CAST: variants seen among roughly 807,000 people sequenced by gnomAD.
The protein encoded by CAST is calpastatin.
In CAST, 76 loss-of-function variants were observed where a neutral mutation model predicts 119.6. That is an observed-to-expected ratio of 0.64 (90% CI 0.53 to 0.77). The LOEUF (loss-of-function observed/expected upper bound fraction) is 0.77. CAST is among the 30% of genes least tolerant of loss of function. The pLI is 0.00. For missense variants in CAST, 953 were observed against 946.5 expected (o/e 1.01, Z -0.09); for synonymous variants, 319 against 331.6 (o/e 0.96, Z 0.41).
At chr5:96,483,640 T>C in the CAST span, among the ~76,000 whole-genome samples, 3 of 152,214 alleles carry the variant, frequency 2.0e-5, no homozygotes, top group African/African-American at 7.2e-5. Flanking sequence ...ATCTGATCTT[T>C]CATTGTTTTT....
chr5:96,165,820 T>G, the CAST span, among the ~76,000 whole-genome samples: 1 of 152,268 alleles, frequency 6.6e-6, no homozygotes, highest in African/African-American at 2.4e-5. Flanking sequence ...GTGATGTGAA[T>G]GACTTCTTTG....
intron 1 of CAST, among the ~76,000 whole-genome samples, chr5:96,578,363 C>T (rs2150188618): frequency 6.6e-6 from 1 of 150,572 alleles, no homozygotes; most frequent in East Asian, 2.0e-4. Context: ...TGAGCATATG[C>T]TCAACTGTAT....
the CAST span, among the ~76,000 whole-genome samples, chr5:96,002,720 T>C: frequency 6.6e-6 from 1 of 152,342 alleles, no homozygotes; most frequent in East Asian, 1.9e-4. Flanking sequence ...AGATGCCTAC[T>C]ACATTGGATA....
the CAST span, chr5:96,398,922 A>C: frequency 6.2e-7 from 1 of 1,613,684 alleles, no homozygotes; most frequent in Non-Finnish European, 8.5e-7. Flanking sequence ...CTCTTCGGGA[A>C]TATTCAATTG....
the CAST span, among the ~76,000 whole-genome samples, chr5:96,123,507 A>T: frequency 6.6e-6 from 1 of 152,168 alleles, no homozygotes; most frequent in African/African-American, 2.4e-5. Flanking sequence ...CATTATTGGC[A>T]TGCATTTTAA....
intron 1 of CAST, among the ~76,000 whole-genome samples, chr5:96,625,029 T>C (rs1417130304): frequency 6.6e-6 from 1 of 152,240 alleles, no homozygotes; most frequent in Non-Finnish European, 1.5e-5. Context: ...TTCCCTGTGA[T>C]GATGCCTTAT....
chr5:96,372,907 C>T, the CAST span, among the ~76,000 whole-genome samples: 3 of 152,190 alleles, frequency 2.0e-5, no homozygotes, highest in East Asian at 3.9e-4. Flanking sequence ...TTATACTTAA[C>T]CCAATGAAAA....
At chr5:96,155,322 T>C in the CAST span, among the ~76,000 whole-genome samples, 1 of 152,082 alleles carries the variant, frequency 6.6e-6, no homozygotes, top group African/African-American at 2.4e-5. Context: ...CCCTGGATGG[T>C]CCCCGCCCAT....
At chr5:96,507,940 T>G in the CAST span, among the ~76,000 whole-genome samples, 1 of 151,796 alleles carries the variant, frequency 6.6e-6, no homozygotes, top group Middle Eastern at 3.2e-3. Flanking sequence ...GTTTCTAGAG[T>G]TCTCTTTGAA....
chr5:96,340,920 A>G, the CAST span, among the ~76,000 whole-genome samples: 2 of 152,242 alleles, frequency 1.3e-5, no homozygotes, highest in Non-Finnish European at 2.9e-5. Context: ...AATGGACATG[A>G]AATAGTCTGT....
chr5:96,101,186 C>T, the CAST span, among the ~76,000 whole-genome samples: 1 of 152,204 alleles, frequency 6.6e-6, no homozygotes, highest in Non-Finnish European at 1.5e-5. Context: ...GGATTACAGG[C>T]ATCAGCCACT....
intron 1 of CAST, among the ~76,000 whole-genome samples, chr5:96,562,506 CAA>C (rs1022667429): frequency 2.8e-4 from 42 of 152,206 alleles, no homozygotes; most frequent in African/African-American, 8.2e-4. Flanking sequence ...TGTGGGGAAA[CAA>C]GAGCTGTCAT....
At chr5:95,979,399 A>G in the CAST span, among the ~76,000 whole-genome samples, 1 of 152,218 alleles carries the variant, frequency 6.6e-6, no homozygotes, top group Admixed American at 6.5e-5. Flanking sequence ...TACACATGAC[A>G]TATGCTAAGT....
chr5:95,981,281 C>G, the CAST span, among the ~76,000 whole-genome samples: 2 of 152,272 alleles, frequency 1.3e-5, no homozygotes, highest in East Asian at 3.9e-4. Flanking sequence ...AGTTTTCTGA[C>G]CACGTATCCT....
chr5:96,522,634 C>G (rs1745536657), upstream of CAST, among the ~76,000 whole-genome samples: 1 of 152,208 alleles, frequency 6.6e-6, no homozygotes, highest in Non-Finnish European at 1.5e-5. Context: ...TAAACTTTCT[C>G]TAGTGCTGAC....
chr5:96,575,708 T>C (rs1170561317), intron 1 of CAST, among the ~76,000 whole-genome samples: 1 of 151,928 alleles, frequency 6.6e-6, no homozygotes, highest in Non-Finnish European at 1.5e-5. Context: ...AGTGGCACAA[T>C]CACTGCTCAC....
chr5:96,190,315 G>A, the CAST span, among the ~76,000 whole-genome samples: 2 of 152,138 alleles, frequency 1.3e-5, no homozygotes, highest in South Asian at 4.2e-4. Context: ...AAGTCCTGGG[G>A]TATGTTCAGT....
At chr5:96,324,795 C>T in the CAST span, among the ~76,000 whole-genome samples, 1 of 151,890 alleles carries the variant, frequency 6.6e-6, no homozygotes, top group African/African-American at 2.4e-5. Context: ...ACTACTATAA[C>T]CCTTACCTTT....
chr5:96,256,242 A>G, the CAST span, among the ~76,000 whole-genome samples: 1 of 148,396 alleles, frequency 6.7e-6, no homozygotes, highest in Non-Finnish European at 1.5e-5. Context: ...TATAATTTAT[A>G]CAGTATTTAT....
Sources: gnomAD v4.1 joint callset for allele counts (sites outside exome capture counted in the v4.1 genomes callset) on GRCh38, gnomAD v4.1.1 for gene constraint, MANE v1.5 for transcripts, NCBI Gene and HGNC (gene_info 2026-07-23, HGNC 2026-07-21) for gene names.